The following SDK1 variants were observed in gnomAD, a reference collection of about 807,000 sequenced individuals.
SDK1 encodes the protein protein sidekick-1.
SDK1 carries 157 observed loss-of-function variants against 245.5 expected under a neutral mutation model. The observed-to-expected ratio is 0.64, with a 90% CI of 0.56 to 0.73. The LOEUF is 0.73. SDK1 is among the 30% of genes least tolerant of loss of function. The probability of loss-of-function intolerance (pLI) is 0.00; values close to 1 mark genes in which losing one functional copy is unlikely to be tolerated. For missense variants in SDK1, 3,583 were observed against 3,002.3 expected (o/e 1.19, Z -4.52); for synonymous variants, 1,647 against 1,278.5 (o/e 1.29, Z -6.15).
intron 5 of SDK1, among the ~76,000 whole-genome samples, chr7:3,897,348 C>G (rs1460783325): frequency 6.6e-6 from 1 of 152,186 alleles, no homozygotes; most frequent in African/African-American, 2.4e-5. Context: ...CCCCATCAAA[C>G]AATGATTCTC....
intron 28 of SDK1, 35 bp from the exon 29 acceptor site, chr7:4,145,687 G>T (rs1186669885): frequency 1.3e-6 from 2 of 1,565,666 alleles, no homozygotes; most frequent in Non-Finnish European, 8.7e-7. Flanking sequence ...TGGGTGACTG[G>T]CTCAGCAGCT....
Position 3,995,046 on chromosome 7 carries a change from G to T in SDK1, c.2131+7724G>T, listed in dbSNP as rs62439594. ...CCAGCCCTACTTCTTCCGTATAGAG[G>T]TTCTCGTTCCCTGAAGAGGGGATTC... On this transcript the variant is annotated intron_variant, in intron 14 of 44. Coordinates refer to ENST00000404826, the MANE Select transcript of SDK1 (RefSeq NM_152744.4). Among the ~76,000 whole-genome samples, 18 of 152,166 alleles carry T rather than the reference G, an allele frequency of 1.2e-4. 1 individual carries two copies. The highest frequency in any genetic ancestry group is 1.2e-3 in the Admixed American group (18 of 15,280).
intron 5 of SDK1, among the ~76,000 whole-genome samples, chr7:3,916,127 G>C (rs1241418470): frequency 6.6e-6 from 1 of 152,140 alleles, no homozygotes; most frequent in African/African-American, 2.4e-5. Context: ...TTAGAGAAAA[G>C]AACAAGCAAG....
At chr7:3,674,844 T>A (rs1414017221) in intron 4 of SDK1, among the ~76,000 whole-genome samples, 2 of 152,074 alleles carry the variant, frequency 1.3e-5, no homozygotes, top group Admixed American at 1.3e-4. Context: ...ACGCATTGGG[T>A]AAAGGGCATG....
At chr7:4,232,089 AT>A (rs1252954056) in intron 40 of SDK1, among the ~76,000 whole-genome samples, 2 of 144,864 alleles carry the variant, frequency 1.4e-5, no homozygotes, top group African/African-American at 5.1e-5. Flanking sequence ...TTAGAATTGA[AT>A]TTATACAAAC....
chr7:3,486,662 G>A (rs1368885256), intron 1 of SDK1, among the ~76,000 whole-genome samples: 1 of 151,866 alleles, frequency 6.6e-6, no homozygotes, highest in Non-Finnish European at 1.5e-5. Flanking sequence ...TCATCCCAAA[G>A]CACAAGTAAG....
chr7:3,368,132 C>G (rs571490978), intron 1 of SDK1, among the ~76,000 whole-genome samples: 2 of 152,076 alleles, frequency 1.3e-5, no homozygotes, highest in Non-Finnish European at 1.5e-5. Context: ...AAAATTAGTC[C>G]TAGTAATAAT....
rs73292162 is a variant in SDK1 at position 3,348,364 on chromosome 7, A to C, written c.298+46480A>C. ...TGTGAGCCATTCATATACATCATGGACTACTATGCAGCCATAAAAAGGAAC... is the reference window on the plus strand; with the variant it reads ...TGTGAGCCATTCATATACATCATGGCCTACTATGCAGCCATAAAAAGGAAC... On this transcript the variant is annotated intron_variant, in intron 1 of 44. Transcript: ENST00000404826. Among the ~76,000 whole-genome samples, 1,363 of 152,290 alleles carry C rather than the reference A, an allele frequency of 9.0e-3. 25 individuals are homozygous for C. The highest frequency in any genetic ancestry group is 0.031 in the African/African-American group (1,283 of 41,558).
intron 1 of SDK1, among the ~76,000 whole-genome samples, chr7:3,313,409 A>C (rs73046607): frequency 6.6e-6 from 1 of 152,026 alleles, no homozygotes; most frequent in East Asian, 1.9e-4. Flanking sequence ...CCATCTCAAA[A>C]GTAAGTGAAA....
chr7:3,875,131 T>C (rs1781044789), intron 5 of SDK1, among the ~76,000 whole-genome samples: 1 of 152,232 alleles, frequency 6.6e-6, no homozygotes, highest in African/African-American at 2.4e-5. Flanking sequence ...AAGGTGTCTG[T>C]CCCAGATAAG....
chr7:3,649,499 A>G (rs1562629885), intron 4 of SDK1, among the ~76,000 whole-genome samples: 1 of 151,868 alleles, frequency 6.6e-6, no homozygotes, highest in Non-Finnish European at 1.5e-5. Context: ...ATTTCACACA[A>G]ATGACATCAT....
At chr7:4,083,373 G>A (rs183145530) in intron 22 of SDK1, among the ~76,000 whole-genome samples, 11 of 152,008 alleles carry the variant, frequency 7.2e-5, no homozygotes, top group African/African-American at 1.7e-4. Flanking sequence ...CAGTTGCCTC[G>A]TTGAGAAAAC....
intron 4 of SDK1, among the ~76,000 whole-genome samples, chr7:3,733,716 G>T (rs1190560695): frequency 6.6e-6 from 1 of 152,180 alleles, no homozygotes; most frequent in Non-Finnish European, 1.5e-5. Flanking sequence ...AGAGAGAAAT[G>T]AAAGGGCAAA....
At chr7:3,466,530 C>G (rs1365491230) in intron 1 of SDK1, among the ~76,000 whole-genome samples, 1 of 149,550 alleles carries the variant, frequency 6.7e-6, no homozygotes, top group African/African-American at 2.5e-5. Context: ...GGGCAGTAAG[C>G]TCAGCCTTGC....
At chr7:3,946,462 G>A (rs910354874) in intron 5 of SDK1, among the ~76,000 whole-genome samples, 1 of 152,006 alleles carries the variant, frequency 6.6e-6, no homozygotes, top group Admixed American at 6.5e-5. Flanking sequence ...CTACATGTGT[G>A]TGCCACCACA....
chr7:3,945,281 A>G (rs1780530420), intron 5 of SDK1, among the ~76,000 whole-genome samples: 2 of 152,214 alleles, frequency 1.3e-5, no homozygotes, highest in Admixed American at 1.3e-4. Flanking sequence ...TCGGAATAAT[A>G]GTGAGTGTTT....
At chr7:3,525,036 A>G (rs1395990591) in intron 1 of SDK1, among the ~76,000 whole-genome samples, 1 of 152,224 alleles carries the variant, frequency 6.6e-6, no homozygotes, top group Non-Finnish European at 1.5e-5. Flanking sequence ...AAATAATACA[A>G]GTAAAAAAAT....
At chr7:4,256,617 T>A (rs1787644734) in intron 44 of SDK1, among the ~76,000 whole-genome samples, 1 of 152,220 alleles carries the variant, frequency 6.6e-6, no homozygotes, top group Non-Finnish European at 1.5e-5. Flanking sequence ...AGCTTGTAGA[T>A]TTGAGTACAA....
chr7:3,901,407 C>T (rs952845963), intron 5 of SDK1, among the ~76,000 whole-genome samples: 1 of 152,048 alleles, frequency 6.6e-6, no homozygotes, highest in African/African-American at 2.4e-5. Context: ...AGGATGGTCT[C>T]GATCTCTTGA....
Sources: gnomAD v4.1 joint callset for allele counts (sites outside exome capture counted in the v4.1 genomes callset) on GRCh38, gnomAD v4.1.1 for gene constraint, MANE v1.5 for transcripts, NCBI Gene and HGNC (gene_info 2026-07-23, HGNC 2026-07-21) for gene names.